The following DYNC1I1 variants were observed in gnomAD, a reference collection of about 807,000 sequenced individuals.
The protein encoded by DYNC1I1 is cytoplasmic dynein 1 intermediate chain 1.
DYNC1I1 carries 43 observed loss-of-function variants against 86.6 expected under a neutral mutation model. The observed-to-expected ratio is 0.50, with a 90% CI of 0.39 to 0.64. The LOEUF is 0.64. Among genes scored for constraint, DYNC1I1 ranks in the 30% least tolerant of loss-of-function variants. The probability of loss-of-function intolerance (pLI) is 0.00; values close to 1 mark genes in which losing one functional copy is unlikely to be tolerated. For missense variants in DYNC1I1, 604 were observed against 788.8 expected (o/e 0.77, Z 2.81); for synonymous variants, 262 against 283.7 (o/e 0.92, Z 0.77).
At chr7:95,960,130 G>A (rs1792827407) in intron 6 of DYNC1I1, among the ~76,000 whole-genome samples, 1 of 152,068 alleles carries the variant, frequency 6.6e-6, no homozygotes, top group East Asian at 1.9e-4. Flanking sequence ...TTTTGAGACG[G>A]AGTTTTGCTC....
intron 4 of DYNC1I1, among the ~76,000 whole-genome samples, chr7:95,824,100 C>T (rs1168366223): frequency 1.3e-5 from 2 of 150,190 alleles, no homozygotes; most frequent in Non-Finnish European, 3.0e-5. Flanking sequence ...AAGCTGTCCT[C>T]CCACCTCAGC....
chr7:95,991,648 A>T (rs1793732897), intron 9 of DYNC1I1, among the ~76,000 whole-genome samples: 1 of 152,068 alleles, frequency 6.6e-6, no homozygotes, highest in Non-Finnish European at 1.5e-5. Flanking sequence ...CTGGGAAGTT[A>T]GGCTTCTGTT....
downstream of DYNC1I1, among the ~76,000 whole-genome samples, chr7:96,099,736 A>G (rs1199774949): frequency 1.3e-5 from 2 of 152,156 alleles, no homozygotes; most frequent in Non-Finnish European, 1.5e-5. Context: ...CCAAAGGCCC[A>G]CCTCCAAAAA....
intron 5 of DYNC1I1, among the ~76,000 whole-genome samples, chr7:95,864,439 A>G (rs1421752320): frequency 6.6e-6 from 1 of 152,180 alleles, no homozygotes; most frequent in Non-Finnish European, 1.5e-5. Flanking sequence ...TTCTTTTCAG[A>G]AGAAACATTT....
intron 4 of DYNC1I1, among the ~76,000 whole-genome samples, chr7:95,824,886 C>T (rs951426960): frequency 2.6e-5 from 4 of 152,298 alleles, no homozygotes; most frequent in Admixed American, 2.6e-4. Flanking sequence ...TCTAGGCTAT[C>T]CCTGGAAACA....
intron 6 of DYNC1I1, among the ~76,000 whole-genome samples, chr7:95,970,378 T>G (rs1174437408): frequency 6.6e-6 from 1 of 152,122 alleles, no homozygotes; most frequent in Admixed American, 6.6e-5. Context: ...GACTCTTGTG[T>G]TTTTTAAAAC....
At chr7:95,814,611 T>C (rs191445927) in intron 4 of DYNC1I1, among the ~76,000 whole-genome samples, 11 of 152,310 alleles carry the variant, frequency 7.2e-5, no homozygotes, top group Admixed American at 5.2e-4. Flanking sequence ...ATTTGGTAGC[T>C]GAAGATCTGG....
intron 10 of DYNC1I1, among the ~76,000 whole-genome samples, chr7:96,003,472 T>TC (rs1328365908): frequency 6.6e-6 from 1 of 152,220 alleles, no homozygotes; most frequent in Non-Finnish European, 1.5e-5. Flanking sequence ...TTAAAAGCTG[T>TC]CCCTCTTAGA....
chr7:95,888,310 G>A (rs912700506), intron 6 of DYNC1I1, among the ~76,000 whole-genome samples: 9 of 152,014 alleles, frequency 5.9e-5, no homozygotes, highest in African/African-American at 7.3e-5. Context: ...GGTAGTGCAC[G>A]CCTGTAGTCC....
intron 10 of DYNC1I1, among the ~76,000 whole-genome samples, chr7:95,999,045 T>A (rs1184727333): frequency 6.6e-6 from 1 of 152,236 alleles, no homozygotes; most frequent in Non-Finnish European, 1.5e-5. Context: ...CATTTTCTAT[T>A]TTTATTTCAA....
chr7:95,842,445 G>A lies in DYNC1I1; in HGVS notation c.374+14329G>A, dbSNP rs188434041. Reference sequence around the variant, plus strand: ...AAGACTATTACAAGGTGATAGACGTGGGGCTTTGGGCATTATCAATCAGAC... The same window carrying A: ...AAGACTATTACAAGGTGATAGACGTAGGGCTTTGGGCATTATCAATCAGAC... On this transcript the variant is annotated intron_variant, in intron 5 of 16. Transcript: ENST00000447467. Among the ~76,000 whole-genome samples the A allele has an allele frequency of 4.0e-3, 606 of 152,282 alleles. 3 individuals carry two copies. Among genetic ancestry groups the A allele is most frequent in the Non-Finnish European group, 5.7e-3 (389 of 68,026 alleles).
chr7:95,963,156 A>G (rs1441418330), intron 6 of DYNC1I1, among the ~76,000 whole-genome samples: 1 of 152,070 alleles, frequency 6.6e-6, no homozygotes. Context: ...CCATTCTTCA[A>G]AATCCAACTC....
Position 95,995,816 on chromosome 7 carries a change from T to C in DYNC1I1, c.844-132T>C, listed in dbSNP as rs1584236330. ...GCAGGAGGTTGCAGCAGTAAGCTGATAGTAGGTATGCCACAACATAACAGA... is the reference window on the plus strand; with the variant it reads ...GCAGGAGGTTGCAGCAGTAAGCTGACAGTAGGTATGCCACAACATAACAGA... On this transcript the variant is annotated intron_variant, in intron 9 of 16. Coordinates refer to ENST00000447467, the MANE Select transcript of DYNC1I1 (RefSeq NM_001135556.2). 5.4e-6 allele frequency: 7 copies of C among 1,287,128 alleles called. No homozygotes were observed. The East Asian group carries it at 1.0e-4, about 19-fold the overall frequency. 79.7% of individuals were successfully genotyped at this position (1,287,128 alleles called of 1,614,324 possible). A position where few individuals can be genotyped will look rare whatever the true frequency, so the allele number is the denominator to read the frequency against.
rs147440576 is a variant in DYNC1I1, at chr7:95,915,961, A to C, written c.490+45963A>C. On this transcript the variant is annotated intron_variant, in intron 6 of 16. Coordinates refer to ENST00000447467, the MANE Select transcript of DYNC1I1 (RefSeq NM_001135556.2). ...CAACAACAACAAAGTGATCTCCCCA[A>C]CCTGAAAAGAGATTGATTTGCCTTC... Among the ~76,000 whole-genome samples, 738 of 152,200 alleles carry C rather than the reference A, an allele frequency of 4.8e-3. 7 individuals carry two copies. Among genetic ancestry groups the C allele is most frequent in the African/African-American group, 0.017 (701 of 41,524 alleles).
chr7:96,089,267 A>G (rs42065), intron 16 of DYNC1I1, among the ~76,000 whole-genome samples: 61,294 of 151,706 alleles, frequency 0.4, 13,282 homozygotes, highest in Middle Eastern at 0.49. Context: ...GACCACATCC[A>G]CAGAATTGTA....
At chr7:95,902,799 T>C (rs1791074805) in intron 6 of DYNC1I1, among the ~76,000 whole-genome samples, 2 of 152,190 alleles carry the variant, frequency 1.3e-5, no homozygotes, top group South Asian at 4.1e-4. Context: ...CAACGTGTTC[T>C]TTATTCAGGC....
chr7:95,907,108 C>T (rs899206899), intron 6 of DYNC1I1, among the ~76,000 whole-genome samples: 8 of 152,116 alleles, frequency 5.3e-5, no homozygotes, highest in Non-Finnish European at 1.0e-4. Context: ...GCAGAACATC[C>T]GCTTTGAAAT....
chr7:95,931,925 G>A (rs1015554357), intron 6 of DYNC1I1, among the ~76,000 whole-genome samples: 5 of 152,144 alleles, frequency 3.3e-5, no homozygotes, highest in Non-Finnish European at 4.4e-5. Flanking sequence ...TGCTGCCAGC[G>A]TCTTAATTTC....
chr7:95,821,505 T>C (rs1428693419), intron 4 of DYNC1I1, among the ~76,000 whole-genome samples: 4 of 151,360 alleles, frequency 2.6e-5, no homozygotes, highest in African/African-American at 9.7e-5. Flanking sequence ...AAAAACACAG[T>C]GAGAGAGGGA....
Sources: gnomAD v4.1 joint callset for allele counts (sites outside exome capture counted in the v4.1 genomes callset) on GRCh38, gnomAD v4.1.1 for gene constraint, MANE v1.5 for transcripts, NCBI Gene and HGNC (gene_info 2026-07-23, HGNC 2026-07-21) for gene names.